The following PSME4 variants were observed in gnomAD, a reference collection of about 807,000 sequenced individuals.
PSME4 encodes proteasome activator complex subunit 4.
In PSME4, 89 loss-of-function variants were observed where a neutral mutation model predicts 253.9. The ratio of observed to expected loss-of-function variants is 0.35; its 90% CI spans 0.30 to 0.42. PSME4 has a LOEUF of 0.42. Ranked by LOEUF, PSME4 falls within the 10% of genes least tolerant of loss-of-function variation. The probability of loss-of-function intolerance (pLI) is 1.00; values close to 1 mark genes in which losing one functional copy is unlikely to be tolerated. For synonymous variants in PSME4, 851 were observed against 759.2 expected (o/e 1.12, Z -1.99); for missense variants, 2,014 against 2,195.2 (o/e 0.92, Z 1.65).
intron 29 of PSME4, 127 bp downstream of exon 29, chr2:53,899,754 G>T (rs567250747): frequency 2.6e-6 from 3 of 1,139,420 alleles, no homozygotes; most frequent in African/African-American, 3.1e-5. Flanking sequence ...GGAGGTGAAG[G>T]TTGCAGTGAG....
At chr2:53,868,606 TATAC>T (rs1354682982) in intron 44 of PSME4, among the ~76,000 whole-genome samples, 26 of 137,096 alleles carry the variant, frequency 1.9e-4, no homozygotes, top group Non-Finnish European at 1.4e-4. Flanking sequence ...ATATAATATA[TATAC>T]ATACATATAT....
intron 16 of PSME4, among the ~76,000 whole-genome samples, 179 bp downstream of exon 16, chr2:53,922,870 G>A (rs943616525): frequency 3.3e-5 from 5 of 152,116 alleles, no homozygotes; most frequent in Non-Finnish European, 7.4e-5. Context: ...TATTAATAAA[G>A]TAACATTTTT....
rs1679714878 is a variant in PSME4 at position 53,887,908 on chromosome 2, C to T, written c.4470G>A (p.Leu1490=). ...TGTAAACCTGGGTGAGTTTGGGTTCCAAGTACTTCAGTAGTCTGTGCAATA... is the reference window on the plus strand; with the variant it reads ...TGTAAACCTGGGTGAGTTTGGGTTCTAAGTACTTCAGTAGTCTGTGCAATA... ...PELLHRLLKY[L]EPKLTQVYKN... The change falls in exon 39 of 47, where the codon TTG becomes TTA. Residue 1490 remains leucine (L), a synonymous_variant. Transcript: ENST00000404125. 1.2e-6 allele frequency: 2 copies of T among 1,606,238 alleles called. No individual in the cohort carries two copies. The highest frequency in any genetic ancestry group is 1.7e-5 in the Admixed American group (1 of 59,954).
chr2:53,956,821 G>C (rs1670258492), intron 1 of PSME4, among the ~76,000 whole-genome samples: 1 of 151,960 alleles, frequency 6.6e-6, no homozygotes, highest in Non-Finnish European at 1.5e-5. Context: ...TTTAAAATCA[G>C]ATAATCAATA....
chr2:53,936,038 C>A (rs373670368), intron 7 of PSME4, 49 bp downstream of exon 7: 9 of 1,574,512 alleles, frequency 5.7e-6, no homozygotes, highest in Admixed American at 1.8e-5. Flanking sequence ...GGATTACAGG[C>A]GCCTACCACC....
At chr2:53,886,991 T>C (rs181991833) in intron 40 of PSME4, among the ~76,000 whole-genome samples, 94 of 152,198 alleles carry the variant, frequency 6.2e-4, no homozygotes, top group Admixed American at 4.6e-3. Context: ...TTATAAAGGA[T>C]GAGGGGAGGG....
At position 53,963,003 on chromosome 2, in the gene PSME4, C is replaced by CAA. The variant is rs1670557504; in HGVS notation, c.242+7539_242+7540insTT. ...CCAGCCTGGGTAACAGAGCGAGACT[C>CAA]AGTGTCAAAAAAAAAAAAAAAAGGA... On this transcript the variant is annotated intron_variant, in intron 1 of 46. Transcript: ENST00000404125. Among the ~76,000 whole-genome samples, 9 of 144,342 alleles carry CAA rather than the reference C, an allele frequency of 6.2e-5. No individual in the cohort carries two copies. The South Asian group carries it at 2.0e-3, about 32-fold the overall frequency. The allele number at this position is 144,342 out of a possible 152,430, so 94.7% of individuals were successfully genotyped here.
intron 10 of PSME4, 59 bp downstream of exon 10, chr2:53,931,776 G>A (rs1668841851): frequency 7.0e-6 from 11 of 1,560,836 alleles, no homozygotes; most frequent in South Asian, 3.6e-5. Context: ...AAAGAGAATC[G>A]AGCTGAACAG....
At chr2:53,929,551 T>G (rs1489323888) in intron 10 of PSME4, among the ~76,000 whole-genome samples, 1 of 152,014 alleles carries the variant, frequency 6.6e-6, no homozygotes, top group African/African-American at 2.4e-5. Flanking sequence ...TTCCTCAGAC[T>G]TCCAAAGTCC....
chr2:53,936,130 G>T lies in PSME4; in HGVS notation c.791C>A (p.Thr264Lys), dbSNP rs1385592277. The change falls in exon 7 of 47, where the codon ACA becomes AAA. Residue 264 changes from threonine to lysine, a missense_variant. Physicochemically the swap from Thr to Lys is moderately conservative, Grantham distance 78 (BLOSUM62 -1). Transcript: ENST00000404125. ...CCAATCTATGTACCCTATATTATCTGTAGCCAATCGAGCAAAGAGATTTAC... is the reference window on the plus strand; with the variant it reads ...CCAATCTATGTACCCTATATTATCTTTAGCCAATCGAGCAAAGAGATTTAC... Reference protein sequence around the residue: ...QLVNLFARLATDNIGYIDWDP... With the variant: ...QLVNLFARLAKDNIGYIDWDP... 1 of 1,613,424 alleles carries T rather than the reference G, an allele frequency of 6.2e-7. No homozygotes were observed. Among genetic ancestry groups the T allele is most frequent in the Non-Finnish European group, 8.5e-7 (1 of 1,179,636 alleles).
In PSME4 at chr2:53,940,952, C is replaced by CATATTTTT. The variant is rs61078234; in HGVS notation, c.501-953_501-952insAAAAATAT. Among the ~76,000 whole-genome samples the CATATTTTT allele has an allele frequency of 1.7e-3, 42 of 24,026 alleles. 2 individuals are homozygous for CATATTTTT. The highest frequency in any genetic ancestry group is 6.2e-3 in the African/African-American group (38 of 6,174). The allele number at this position is 24,026 out of a possible 152,430, so 15.8% of individuals were successfully genotyped here. On this transcript the variant is annotated intron_variant, in intron 3 of 46. Coordinates refer to ENST00000404125, the MANE Select transcript of PSME4 (RefSeq NM_014614.3). ...TAATACATATATAAATATATATATA[C>CATATTTTT]ATATATATATATATATATATATATA...
In PSME4 at chr2:53,890,107, G is replaced by T; in HGVS notation, c.4293C>A (p.Ser1431=). 1 of 1,608,370 alleles carries T rather than the reference G, an allele frequency of 6.2e-7. No homozygotes were observed. The highest frequency in any genetic ancestry group is 1.1e-5 in the South Asian group (1 of 90,896). Residue 1431 remains serine (S), a synonymous_variant, in exon 37 of 47, where the codon TCC becomes TCA. Transcript: ENST00000404125. ...AGAAAGATGTAGGGTAACTTACACA[G>T]GATGTTGCTATACAAGCTCCCCAGT... is the stretch of plus-strand genomic sequence containing the variant. ...YNDWGACIAT[S]CESRDPRKLH... is the part of the protein sequence containing the mutation.
intron 9 of PSME4, among the ~76,000 whole-genome samples, chr2:53,932,385 A>T (rs1668872115): frequency 6.6e-6 from 1 of 152,222 alleles, no homozygotes; most frequent in Non-Finnish European, 1.5e-5. Flanking sequence ...CAACAAAAAC[A>T]GATGACAGGA....
chr2:53,925,663 G>C lies in PSME4; in HGVS notation c.1685C>G (p.Thr562Arg). ...TGTCTCTTCTCTTGTTTGCTCCAAT[G>C]TGCTACTTTCTATAAGTCCAAAACA... ...DRCFGLIESS[T>R]LEQTREETET... is the part of the protein sequence containing the mutation. The change falls in exon 14 of 47, where the codon ACA (threonine) becomes AGA (arginine). Residue 562 changes from threonine to arginine, a missense_variant. Coordinates refer to ENST00000404125, the MANE Select transcript of PSME4 (RefSeq NM_014614.3). 6.2e-7 allele frequency: 1 copy of C among 1,609,244 alleles called. No homozygotes were observed.
At chr2:53,901,744 G>T (rs1680409524) in intron 27 of PSME4, among the ~76,000 whole-genome samples, 185 bp from the exon 28 acceptor site, 1 of 152,150 alleles carries the variant, frequency 6.6e-6, no homozygotes, top group East Asian at 1.9e-4. Context: ...ACATTTAGGT[G>T]ATATCCATTA....
At chr2:53,876,544 G>C (rs1202096571) in intron 41 of PSME4, among the ~76,000 whole-genome samples, 1 of 151,686 alleles carries the variant, frequency 6.6e-6, no homozygotes, top group Non-Finnish European at 1.5e-5. Flanking sequence ...AGAGAGATTT[G>C]CGAAATGGTC....
intron 38 of PSME4, 92 bp from the exon 39 acceptor site, chr2:53,888,081 A>G (rs1454557248): frequency 8.3e-6 from 11 of 1,331,650 alleles, no homozygotes; most frequent in Non-Finnish European, 1.1e-5. Context: ...TTTCACTTAA[A>G]GCTTTTTCGT....
intron 21 of PSME4, 49 bp downstream of exon 21, chr2:53,910,026 A>C: frequency 7.1e-7 from 1 of 1,402,654 alleles, no homozygotes; most frequent in Non-Finnish European, 1.0e-6. Flanking sequence ...TTGTGGAGTT[A>C]CTGACAAAAA....
Position 53,939,938 on chromosome 2 carries a change from A to G in PSME4, c.545+18T>C. The G allele has an allele frequency of 1.9e-6, 3 of 1,573,082 alleles. No homozygotes were observed. Among genetic ancestry groups the G allele is most frequent in the Non-Finnish European group, 2.6e-6 (3 of 1,145,474 alleles). ...CACAGAAACAACAAGAGGCTTTATA[A>G]ATTGAGAAGCTACTTACGGTCGGCA... On this transcript the variant is annotated intron_variant, in intron 4 of 46. Transcript: ENST00000404125.
Sources: gnomAD v4.1 joint callset for allele counts (sites outside exome capture counted in the v4.1 genomes callset) on GRCh38, gnomAD v4.1.1 for gene constraint, MANE v1.5 for transcripts, NCBI Gene and HGNC (gene_info 2026-07-23, HGNC 2026-07-21) for gene names.